RAB11FIP4: variants seen among roughly 807,000 people sequenced by gnomAD.
RAB11FIP4 encodes the protein rab11 family-interacting protein 4.
Under a neutral mutation model 74.3 loss-of-function variants are expected in RAB11FIP4, and 23 were observed. The observed-to-expected ratio is 0.31, with a 90% confidence interval of 0.22 to 0.44. The LOEUF is 0.44. RAB11FIP4 is among the 20% of genes least tolerant of loss of function. The pLI, the probability that RAB11FIP4 is intolerant of heterozygous loss-of-function variation, is 1.00. For missense variants in RAB11FIP4, 630 were observed against 863.9 expected (o/e 0.73, Z 3.39); for synonymous variants, 360 against 359.9 (o/e 1.00, Z 0.00).
Position 31,471,299 on chromosome 17 carries a change from A to C in RAB11FIP4, c.336+37177A>C, listed in dbSNP as rs1185251302. 1.4e-4 allele frequency among the ~76,000 whole-genome samples: 21 copies of C among 150,696 alleles called. No homozygotes were observed. The Admixed American group carries it at 1.4e-3, about 10-fold the overall frequency. ...AGGCTGGTCTCAAACTCATGGCCTC[A>C]GGTGATCCTCCTGCCTCAGCCTTCT... is the stretch of plus-strand genomic sequence containing the variant. On this transcript the variant is annotated intron_variant, in intron 3 of 14. Coordinates refer to ENST00000621161, the MANE Select transcript of RAB11FIP4 (RefSeq NM_032932.6).
chr17:31,523,408 G>C (rs1239441679), intron 7 of RAB11FIP4, 104 bp from the exon 8 acceptor site: 1 of 901,912 alleles, frequency 1.1e-6, no homozygotes, highest in Non-Finnish European at 1.9e-6. Context: ...TCCTTAAAGG[G>C]GCAGACCCCC....
At chr17:31,462,915 C>T (rs1483684438) in intron 3 of RAB11FIP4, among the ~76,000 whole-genome samples, 3 of 152,116 alleles carry the variant, frequency 2.0e-5, no homozygotes, top group Admixed American at 1.3e-4. Flanking sequence ...GCATTACAGG[C>T]GTGAGCCACC....
intron 1 of RAB11FIP4, among the ~76,000 whole-genome samples, chr17:31,417,872 G>T (rs2071162922): frequency 6.6e-6 from 1 of 152,220 alleles, no homozygotes; most frequent in Non-Finnish European, 1.5e-5. Flanking sequence ...GTCAAGGCAG[G>T]AGGATCACTT....
At chr17:31,504,190 G>A (rs1157381582) in intron 3 of RAB11FIP4, among the ~76,000 whole-genome samples, 2 of 146,620 alleles carry the variant, frequency 1.4e-5, no homozygotes, top group Non-Finnish European at 2.9e-5. Context: ...GAGTGCAGTG[G>A]CGCGACCTCG....
At position 31,528,758 on chromosome 17, in the gene RAB11FIP4, G is replaced by A. The variant is rs1567695606; in HGVS notation, c.1633G>A (p.Glu545Lys). ...GGCCCGCGAGGTGGAGCTCGAGCAC[G>A]AGGTCAAGCGGCTCAAGCAGGTGGG... ...ARAREVELEH[E>K]VKRLKQENYK... The change falls in exon 13 of 15, where the codon GAG (glutamate) becomes AAG (lysine). Residue 545 changes from glutamate (E) to lysine (K), a missense_variant. Glu to Lys is a moderately conservative substitution (Grantham distance 56). Coordinates refer to ENST00000621161, the MANE Select transcript of RAB11FIP4 (RefSeq NM_032932.6). 6 of 1,609,922 alleles carry A rather than the reference G, an allele frequency of 3.7e-6. No individual in the cohort carries two copies. Among genetic ancestry groups the A allele is most frequent in the Non-Finnish European group, 5.1e-6 (6 of 1,179,066 alleles).
At chr17:31,529,284 G>A (rs1463473763) in intron 13 of RAB11FIP4, among the ~76,000 whole-genome samples, 1 of 151,846 alleles carries the variant, frequency 6.6e-6, no homozygotes, top group Non-Finnish European at 1.5e-5. Context: ...TGTTTTTTGA[G>A]GCAGGGTCTC....
intron 3 of RAB11FIP4, among the ~76,000 whole-genome samples, chr17:31,505,631 A>G (rs1187641425): frequency 1.5e-5 from 1 of 67,736 alleles, no homozygotes; most frequent in African/African-American, 5.0e-5. Context: ...ATATAATTAT[A>G]TAATAATAAT....
chr17:31,491,691 C>T (rs375123479), intron 3 of RAB11FIP4, among the ~76,000 whole-genome samples: 2 of 152,128 alleles, frequency 1.3e-5, no homozygotes, highest in African/African-American at 4.8e-5. Flanking sequence ...GGGGGACCAC[C>T]CAATGCTGTG....
In RAB11FIP4 at chr17:31,531,661, A is replaced by C; in HGVS notation, c.1843A>C (p.Arg615=). 1 of 1,614,132 alleles carries C rather than the reference A, an allele frequency of 6.2e-7. No homozygotes were observed. Among genetic ancestry groups the C allele is most frequent in the Non-Finnish European group, 8.5e-7 (1 of 1,179,986 alleles). Residue 615 remains arginine, a synonymous_variant, in exon 15 of 15, where the codon AGG becomes CGG. Transcript: ENST00000621161. The stretch of plus-strand genomic sequence containing the variant: ...GCAGGAGGAGATCAACTTCCGGCTG[A>C]GGCAGTACATGGACAAGATTATCCT... The part of the protein sequence containing the change: ...KEQEEINFRL[R]QYMDKIILAI...
intron 1 of RAB11FIP4, among the ~76,000 whole-genome samples, chr17:31,406,576 G>A (rs534128419): frequency 2.6e-5 from 4 of 152,228 alleles, no homozygotes; most frequent in East Asian, 3.8e-4. Flanking sequence ...TTTGATAGGT[G>A]TGTAATGGTA....
At position 31,532,652 on chromosome 17, in the gene RAB11FIP4, C is replaced by T. The variant is rs972916649; in HGVS notation, c.*920C>T. ...ATGGCTGCATCTTAAGATGGATGCA[C>T]GGAGAAACCGTCTGCCTGGCTCCCT... On this transcript the variant is annotated 3_prime_UTR_variant, in exon 15 of 15. Transcript: ENST00000621161. 2.0e-5 allele frequency: 3 copies of T among 152,220 alleles called. No individual in the cohort carries two copies. The highest frequency in any genetic ancestry group is 2.9e-5 in the Non-Finnish European group (2 of 68,024). The allele number at this position is 152,220 out of a possible 1,614,324, so 9.4% of individuals were successfully genotyped here.
At chr17:31,409,827 C>T (rs567241832) in intron 1 of RAB11FIP4, among the ~76,000 whole-genome samples, 10 of 152,226 alleles carry the variant, frequency 6.6e-5, no homozygotes, top group South Asian at 4.2e-4. Flanking sequence ...GGGACCAGCC[C>T]GGAACCCAGG....
At chr17:31,474,442 A>T (rs2018745) in intron 3 of RAB11FIP4, among the ~76,000 whole-genome samples, 112,779 of 151,864 alleles carry the variant, frequency 0.74, 42,062 homozygotes, top group East Asian at 0.92. Context: ...GAGGCCGAGG[A>T]GGGTGGATCA....
chr17:31,404,248 A>G (rs557246046), intron 1 of RAB11FIP4, among the ~76,000 whole-genome samples: 40 of 152,312 alleles, frequency 2.6e-4, no homozygotes, highest in South Asian at 2.3e-3. Context: ...CCTGCACTGC[A>G]GATCCTCCCC....
In RAB11FIP4 at chr17:31,527,875, T is replaced by C; in HGVS notation, c.1308T>C (p.Leu436=). The C allele has an allele frequency of 6.2e-7, 1 of 1,607,252 alleles. No homozygotes were observed. Among genetic ancestry groups the C allele is most frequent in the Non-Finnish European group, 8.5e-7 (1 of 1,177,192 alleles). ...VQQLEEENTE[L]RTTVTRLKSQ... The stretch of plus-strand genomic sequence containing the variant: ...AGTTGGAGGAAGAAAATACAGAGCT[T>C]AGAACAACAGTGACTCGGCTCAAGT... The change falls in exon 11 of 15, where the codon CTT becomes CTC. Residue 436 remains leucine, a synonymous_variant. Transcript: ENST00000621161.
intron 1 of RAB11FIP4, among the ~76,000 whole-genome samples, chr17:31,420,379 G>A (rs2071187483): frequency 6.6e-6 from 1 of 151,668 alleles, no homozygotes; most frequent in Admixed American, 6.6e-5. Flanking sequence ...CCAGAGGCAT[G>A]TGCCACCATG....
chr17:31,496,490 G>T (rs939684648), intron 3 of RAB11FIP4, among the ~76,000 whole-genome samples: 2 of 152,106 alleles, frequency 1.3e-5, no homozygotes, highest in African/African-American at 4.8e-5. Flanking sequence ...GTGTTCCAAG[G>T]GCTTCTTGAC....
chr17:31,422,401 T>C (rs2071208551), intron 1 of RAB11FIP4, among the ~76,000 whole-genome samples: 1 of 152,224 alleles, frequency 6.6e-6, no homozygotes, highest in South Asian at 2.1e-4. Flanking sequence ...CTGTTAAAAA[T>C]TAGATTTTCT....
At chr17:31,470,854 C>T (rs1272465921) in intron 3 of RAB11FIP4, among the ~76,000 whole-genome samples, 2 of 152,196 alleles carry the variant, frequency 1.3e-5, no homozygotes, top group Non-Finnish European at 2.9e-5. Context: ...TGAGTCATGG[C>T]ACTCATCATA....
Sources: allele counts gnomAD v4.1 joint callset (sites outside exome capture counted in the v4.1 genomes callset), GRCh38; gene constraint gnomAD v4.1.1; transcripts MANE v1.5; gene names NCBI Gene and HGNC (gene_info 2026-07-23, HGNC 2026-07-21).